TMTC2: variants seen among roughly 807,000 people sequenced by gnomAD.
TMTC2 encodes protein O-mannosyl-transferase TMTC2.
In TMTC2, 43 loss-of-function variants were observed where a neutral mutation model predicts 82.4. The observed-to-expected ratio is 0.52, with a 90% confidence interval of 0.41 to 0.67. The LOEUF is 0.67. Among genes scored for constraint, TMTC2 ranks in the 30% least tolerant of loss-of-function variants. The probability of loss-of-function intolerance (pLI) is 0.00; values close to 1 mark genes in which losing one functional copy is unlikely to be tolerated. For synonymous variants in TMTC2, 408 were observed against 381.9 expected, an observed-to-expected ratio of 1.07 and a Z score of -0.80; for missense variants, 919 against 1,012.4, an observed-to-expected ratio of 0.91 and a Z score of 1.25.
chr12:82,779,906 A>T (rs560761697), intron 1 of TMTC2, among the ~76,000 whole-genome samples: 1 of 152,282 alleles, frequency 6.6e-6, no homozygotes, highest in South Asian at 2.1e-4. Flanking sequence ...CTCAAAAAAA[A>T]AATAGCCATA....
In TMTC2 at chr12:82,985,979, A is replaced by G; in HGVS notation, c.2003A>G (p.Glu668Gly). The G allele has an allele frequency of 1.2e-6, 2 of 1,614,054 alleles. No homozygotes were observed. Among genetic ancestry groups the G allele is most frequent in the East Asian group, 4.5e-5 (2 of 44,868 alleles). The change falls in exon 8 of 12, where the codon GAA (glutamate) becomes GGA (glycine). Residue 668 changes from glutamate (E) to glycine (G), a missense_variant. Physicochemically the swap from Glu to Gly is moderately conservative, Grantham distance 98. Coordinates refer to ENST00000321196, the MANE Select transcript of TMTC2 (RefSeq NM_152588.3). ...CCCGAAGCAGAGCATTGGTATATGG[A>G]ATCACTGAGATCCAAGACTGACCAC... ...KLPEAEHWYM[E>G]SLRSKTDHIP... is the part of the protein sequence containing the mutation.
At chr12:82,718,184 G>A (rs1223787710) in intron 1 of TMTC2, among the ~76,000 whole-genome samples, 1 of 152,086 alleles carries the variant, frequency 6.6e-6, no homozygotes, top group Non-Finnish European at 1.5e-5. Context: ...CACAGAATTA[G>A]GCAGTATCCA....
chr12:82,741,741 T>C (rs1380607336), intron 1 of TMTC2, among the ~76,000 whole-genome samples: 1 of 152,208 alleles, frequency 6.6e-6, no homozygotes, highest in East Asian at 1.9e-4. Context: ...TGATGTAAAG[T>C]GTGGAGGCTG....
rs1178181597 is a variant in TMTC2, at chr12:82,966,225, G to T, written c.1869+481G>T. 2.6e-5 allele frequency among the ~76,000 whole-genome samples: 4 copies of T among 152,024 alleles called. No individual in the cohort carries two copies. The East Asian group carries it at 5.8e-4, about 22-fold the overall frequency. ...TCTTAATTCTTTAAAAAACTATTAT[G>T]AAATAAAATGTAATTTTATTATTTC... On this transcript the variant is annotated intron_variant, in intron 6 of 11. Transcript: ENST00000321196.
chr12:82,740,869 G>A (rs1218119807), intron 1 of TMTC2, among the ~76,000 whole-genome samples: 1 of 152,194 alleles, frequency 6.6e-6, no homozygotes, highest in Non-Finnish European at 1.5e-5. Context: ...TGCTGCCCGA[G>A]CAATCTGGTA....
intron 7 of TMTC2, among the ~76,000 whole-genome samples, chr12:82,976,667 A>T (rs1028768102): frequency 2.0e-5 from 3 of 152,084 alleles, no homozygotes; most frequent in Non-Finnish European, 4.4e-5. Flanking sequence ...GAATAAGATG[A>T]CAAAAATATT....
At chr12:82,787,781 T>A (rs1307627439) in intron 1 of TMTC2, among the ~76,000 whole-genome samples, 1 of 151,950 alleles carries the variant, frequency 6.6e-6, no homozygotes, top group Non-Finnish European at 1.5e-5. Flanking sequence ...CGTGGTGGTG[T>A]GTGCCCGTAG....
intron 1 of TMTC2, chr12:82,760,485 T>TG (rs1250744938): frequency 2.7e-5 from 4 of 150,200 alleles, no homozygotes; most frequent in African/African-American, 7.4e-5. Context: ...TTTTTTTTTT[T>TG]TTTCTCGAAA....
At chr12:82,940,791 G>T in intron 4 of TMTC2, among the ~76,000 whole-genome samples, 1 of 151,634 alleles carries the variant, frequency 6.6e-6, no homozygotes, top group South Asian at 2.1e-4. Context: ...CACTTTCTGG[G>T]GAGGTTTCTG....
chr12:82,890,545 A>C (rs569037189), intron 2 of TMTC2, among the ~76,000 whole-genome samples: 17 of 152,304 alleles, frequency 1.1e-4, no homozygotes, highest in Non-Finnish European at 2.1e-4. Flanking sequence ...CAACATTTTT[A>C]ATATCAGTAC....
chr12:82,707,129 TCA>T (rs1873398695), intron 1 of TMTC2, among the ~76,000 whole-genome samples: 1 of 152,198 alleles, frequency 6.6e-6, no homozygotes, highest in Admixed American at 6.5e-5. Context: ...AATTGATTTC[TCA>T]CAGTTTTGAA....
chr12:82,898,480 A>C (rs1873791299), intron 3 of TMTC2, among the ~76,000 whole-genome samples: 1 of 152,240 alleles, frequency 6.6e-6, no homozygotes, highest in South Asian at 2.1e-4. Context: ...TGTTACAAAA[A>C]GCCAAGACAA....
intron 10 of TMTC2, among the ~76,000 whole-genome samples, chr12:83,054,060 C>A (rs1470876663): frequency 6.6e-6 from 1 of 151,972 alleles, no homozygotes; most frequent in East Asian, 1.9e-4. Flanking sequence ...CATTTTTGAG[C>A]CAAAGCTCTA....
intron 1 of TMTC2, among the ~76,000 whole-genome samples, chr12:82,842,564 A>G (rs532369478): frequency 1.9e-4 from 29 of 152,344 alleles, no homozygotes; most frequent in African/African-American, 6.5e-4. Flanking sequence ...AGCATATGTA[A>G]TAATATGGTA....
At chr12:83,038,074 A>G (rs8181713) in intron 9 of TMTC2, among the ~76,000 whole-genome samples, 69,555 of 146,318 alleles carry the variant, frequency 0.48, 17,127 homozygotes, top group East Asian at 0.79. Context: ...ACTCATAGGT[A>G]GGAATTGAAC....
At chr12:83,069,352 G>A (rs1384498871) in intron 11 of TMTC2, among the ~76,000 whole-genome samples, 1 of 152,080 alleles carries the variant, frequency 6.6e-6, no homozygotes, top group Non-Finnish European at 1.5e-5. Context: ...ATCCATGCCA[G>A]CATCTACTAT....
At chr12:82,884,325 C>T (rs1171084491) in intron 2 of TMTC2, among the ~76,000 whole-genome samples, 1 of 152,200 alleles carries the variant, frequency 6.6e-6, no homozygotes. Flanking sequence ...TAATATACTA[C>T]AAACGCTATA....
chr12:83,124,098 A>C (rs1885035999), intron 11 of TMTC2, among the ~76,000 whole-genome samples: 1 of 152,232 alleles, frequency 6.6e-6, no homozygotes, highest in African/African-American at 2.4e-5. Context: ...TCTGAAGGGC[A>C]TAAATGAGAC....
At chr12:82,909,771 T>TTCACTA (rs1191154515) in intron 3 of TMTC2, among the ~76,000 whole-genome samples, 1 of 152,212 alleles carries the variant, frequency 6.6e-6, no homozygotes, top group Non-Finnish European at 1.5e-5. Context: ...AACATAGAGT[T>TTCACTA]TCACTATACT....
Sources: allele counts gnomAD v4.1 joint callset (sites outside exome capture counted in the v4.1 genomes callset), GRCh38; gene constraint gnomAD v4.1.1; transcripts MANE v1.5; gene names NCBI Gene and HGNC (gene_info 2026-07-23, HGNC 2026-07-21).